The following RCC1 variants were observed in gnomAD, a reference collection of about 807,000 sequenced individuals.
RCC1 encodes regulator of chromosome condensation.
RCC1 carries 11 observed loss-of-function variants against 44.4 expected under a neutral mutation model. The observed-to-expected ratio is 0.25, with a 90% CI of 0.16 to 0.41. The LOEUF is 0.41. Ranked by LOEUF, RCC1 falls within the 10% of genes least tolerant of loss-of-function variation. RCC1 has a pLI of 1.00. For missense variants in RCC1, 386 were observed against 547.1 expected (o/e 0.71, Z 2.94); for synonymous variants, 213 against 216.5 (o/e 0.98, Z 0.14).
At chr1:28,537,110 T>C (rs1664602231) in intron 12 of RCC1, among the ~76,000 whole-genome samples, 1 of 152,130 alleles carries the variant, frequency 6.6e-6, no homozygotes, top group Non-Finnish European at 1.5e-5. Flanking sequence ...TGACTTATTA[T>C]GCAGAGGAGA....
At chr1:28,522,561 AC>A (rs1663352705) in intron 4 of RCC1, among the ~76,000 whole-genome samples, 1 of 151,870 alleles carries the variant, frequency 6.6e-6, no homozygotes, top group Non-Finnish European at 1.5e-5. Context: ...TAATCCCAGT[AC>A]TTTGGGAGGT....
At chr1:28,513,927 T>C (rs756475632) in intron 3 of RCC1, among the ~76,000 whole-genome samples, 23 of 151,938 alleles carry the variant, frequency 1.5e-4, no homozygotes, top group Non-Finnish European at 2.6e-4. Flanking sequence ...ATTCAATTGA[T>C]ATTAAACCAG....
At chr1:28,532,011 C>A in intron 6 of RCC1, 21 bp downstream of exon 6, 2 of 1,559,938 alleles carry the variant, frequency 1.3e-6, no homozygotes, top group Non-Finnish European at 1.7e-6. Flanking sequence ...GGGACTGGCA[C>A]AGGGTTGGAC....
intron 5 of RCC1, chr1:28,530,657 G>T (rs751290279): frequency 2.6e-6 from 4 of 1,511,468 alleles, no homozygotes; most frequent in African/African-American, 1.4e-5. Flanking sequence ...GCCAGCGCGG[G>T]CTCCTCAGCG....
In RCC1 at chr1:28,508,116, CTTGT is replaced by C. The variant is rs1662174230; in HGVS notation, c.-261-9_-261-6del. On this transcript the variant is annotated splice_region_variant and splice_polypyrimidine_tract_variant and intron_variant, in intron 1 of 12. Coordinates refer to ENST00000683442, the MANE Select transcript of RCC1 (RefSeq NM_001381865.2). The stretch of plus-strand genomic sequence containing the variant: ...TTTTGCTGTACTAATAGATTAATAT[CTTGT>C]TTTGCAGGATTTGTTAAGGATTCCA... 1 of 442,914 alleles carries C rather than the reference CTTGT, an allele frequency of 2.3e-6. No homozygotes were observed. Among genetic ancestry groups the C allele is most frequent in the South Asian group, 1.6e-5 (1 of 63,344 alleles). 27.4% of individuals were successfully genotyped at this position (442,914 alleles called of 1,614,324 possible). A position where few individuals can be genotyped will look rare whatever the true frequency, so the allele number is the denominator to read the frequency against.
intron 5 of RCC1, chr1:28,530,654 CG>C: frequency 6.5e-7 from 1 of 1,535,460 alleles, no homozygotes. Flanking sequence ...GCTGCCAGCG[CG>C]GGCTCCTCAG....
At chr1:28,531,259 C>CTTTTTTTTTTTTTT (rs769808394) in intron 5 of RCC1, among the ~76,000 whole-genome samples, 9 of 132,452 alleles carry the variant, frequency 6.8e-5, no homozygotes, top group Non-Finnish European at 7.8e-5. Flanking sequence ...GCTTTCTTTT[C>CTTTTTTTTTTTTTT]TTTTTCTTTT....
rs558013332 is a variant in RCC1 at position 28,513,701 on chromosome 1, C to T, written c.-152-3024C>T. On this transcript the variant is annotated intron_variant, in intron 3 of 12. Coordinates refer to ENST00000683442, the MANE Select transcript of RCC1 (RefSeq NM_001381865.2). ...CTGGGCTCAAGCCATCCTCCCAGCT[C>T]GGTCTCCTGAGTAGTGAAGACCACA... 2.6e-5 allele frequency among the ~76,000 whole-genome samples: 4 copies of T among 152,138 alleles called. No individual in the cohort carries two copies. In the South Asian group the frequency reaches 8.3e-4, roughly 32 times the overall value.
chr1:28,508,547 C>G (rs752337650), intron 2 of RCC1: 6 of 516,910 alleles, frequency 1.2e-5, no homozygotes, highest in Non-Finnish European at 2.3e-5. Context: ...CAATTCCTCA[C>G]TAATGAGCAT....
chr1:28,528,149 G>A (rs909134352), intron 4 of RCC1, among the ~76,000 whole-genome samples: 14 of 151,586 alleles, frequency 9.2e-5, no homozygotes, highest in Admixed American at 6.6e-5. Flanking sequence ...GTGAAACCCC[G>A]TCTCTACTAA....
chr1:28,525,754 G>A (rs1410742127), intron 4 of RCC1, among the ~76,000 whole-genome samples: 1 of 152,200 alleles, frequency 6.6e-6, no homozygotes, highest in Non-Finnish European at 1.5e-5. Context: ...CCCATCTTTA[G>A]TATTTAGTTC....
At chr1:28,534,763 A>AT (rs1424664599) in intron 7 of RCC1, among the ~76,000 whole-genome samples, 1 of 152,228 alleles carries the variant, frequency 6.6e-6, no homozygotes, top group African/African-American at 2.4e-5. Context: ...ATGAATTACC[A>AT]TGCCTGGCCC....
chr1:28,518,374 G>C (rs1172012417), intron 4 of RCC1: 1 of 152,016 alleles, frequency 6.6e-6, no homozygotes, highest in Non-Finnish European at 1.5e-5. Context: ...GCCACAGCCG[G>C]AGCACGGGCC....
chr1:28,521,290 A>G (rs1237568396), intron 4 of RCC1, among the ~76,000 whole-genome samples: 3 of 151,930 alleles, frequency 2.0e-5, no homozygotes, highest in African/African-American at 7.3e-5. Flanking sequence ...TCATGAGGTC[A>G]GGAGATCGAG....
intron 7 of RCC1, chr1:28,532,820 T>G (rs539838454): frequency 5.5e-5 from 24 of 432,964 alleles, no homozygotes; most frequent in Admixed American, 4.3e-4. Context: ...TGTTGTTGTT[T>G]TTGTATTGTT....
At chr1:28,526,898 G>GAAA (rs200034684) in intron 4 of RCC1, 55 of 657,416 alleles carry the variant, frequency 8.4e-5, no homozygotes, top group African/African-American at 1.2e-4. Flanking sequence ...CTCCGTCTCG[G>GAAA]AAAAAAAAAA....
chr1:28,527,461 T>G (rs1172820631), intron 4 of RCC1, among the ~76,000 whole-genome samples: 1 of 152,134 alleles, frequency 6.6e-6, no homozygotes, highest in Non-Finnish European at 1.5e-5. Flanking sequence ...CACGCTGGTC[T>G]TGAACTCCTG....
rs1397133877 is a variant in RCC1, at chr1:28,509,128, T to A, written c.-153+223T>A. ...CTCATACCTCTTTTAAAAGTCGACC[T>A]GTTTTGCAGAAAGTCTGCTGTTTTT... On this transcript the variant is annotated intron_variant, in intron 3 of 12. Coordinates refer to ENST00000683442, the MANE Select transcript of RCC1 (RefSeq NM_001381865.2). 2.1e-5 allele frequency: 7 copies of A among 327,148 alleles called. No homozygotes were observed. In the East Asian group the frequency reaches 5.6e-4, roughly 26 times the overall value. The allele number at this position is 327,148 out of a possible 1,614,324, so 20.3% of individuals were successfully genotyped here.
chr1:28,507,758 C>T (rs1379748786), intron 1 of RCC1: 2 of 340,512 alleles, frequency 5.9e-6, no homozygotes, highest in Admixed American at 8.1e-5. Flanking sequence ...AGGCCCCCGC[C>T]ACCACGCCAG....
Sources: gnomAD v4.1 joint callset for allele counts (sites outside exome capture counted in the v4.1 genomes callset) on GRCh38, gnomAD v4.1.1 for gene constraint, MANE v1.5 for transcripts, NCBI Gene and HGNC (gene_info 2026-07-23, HGNC 2026-07-21) for gene names.